The following OSTF1 variants were observed in gnomAD, a reference collection of about 807,000 sequenced individuals.
The protein encoded by OSTF1 is osteoclast stimulating factor 1, also known as osteoclast-stimulating factor 1.
In OSTF1, 27 loss-of-function variants were observed where a neutral mutation model predicts 37.2. That is an observed-to-expected ratio of 0.73 (90% CI 0.54 to 1.00). OSTF1 has a LOEUF of 1.00. OSTF1 is among the 50% of genes least tolerant of loss of function. The pLI is 0.00. For missense variants in OSTF1, 232 were observed against 253.8 expected, an observed-to-expected ratio of 0.91 and a Z score of 0.58; for synonymous variants, 82 against 89.2, an observed-to-expected ratio of 0.92 and a Z score of 0.46.
At chr9:75,126,862 A>G (rs1267028550) in intron 2 of OSTF1, among the ~76,000 whole-genome samples, 2 of 152,212 alleles carry the variant, frequency 1.3e-5, no homozygotes, top group African/African-American at 4.8e-5. Flanking sequence ...AAGTGCTGGG[A>G]TTACAGGCAT....
At chr9:75,122,802 C>A (rs748024334) in intron 2 of OSTF1, among the ~76,000 whole-genome samples, 2 of 152,118 alleles carry the variant, frequency 1.3e-5, no homozygotes, top group East Asian at 3.9e-4. Context: ...CAGACCAGTA[C>A]GTGGCACATA....
chr9:75,142,766 T>C (rs1390892186), intron 9 of OSTF1, among the ~76,000 whole-genome samples: 2 of 152,160 alleles, frequency 1.3e-5, no homozygotes, highest in African/African-American at 4.8e-5. Context: ...GAAATGAGTT[T>C]TTATATTTCA....
At chr9:75,095,960 C>T (rs895668543) in intron 1 of OSTF1, among the ~76,000 whole-genome samples, 47 of 151,354 alleles carry the variant, frequency 3.1e-4, no homozygotes, top group African/African-American at 8.7e-4. Flanking sequence ...GGCGCGATTT[C>T]GGCTCACTGC....
chr9:75,132,719 T>A (rs1307917815), intron 5 of OSTF1, among the ~76,000 whole-genome samples: 1 of 152,174 alleles, frequency 6.6e-6, no homozygotes, highest in African/African-American at 2.4e-5. Context: ...GTAAAAGGAC[T>A]AAACTGACAT....
chr9:75,108,299 A>G (rs1271667176), intron 1 of OSTF1, among the ~76,000 whole-genome samples: 1 of 151,554 alleles, frequency 6.6e-6, no homozygotes, highest in African/African-American at 2.4e-5. Flanking sequence ...GGAAACAAGT[A>G]ATTTCTCTAA....
intron 1 of OSTF1, among the ~76,000 whole-genome samples, chr9:75,101,736 A>G (rs1194779539): frequency 6.6e-6 from 1 of 152,132 alleles, no homozygotes; most frequent in Non-Finnish European, 1.5e-5. Context: ...TCAGCTACCA[A>G]CTTGGCCCCT....
intron 2 of OSTF1, among the ~76,000 whole-genome samples, chr9:75,125,850 C>T (rs1441812331): frequency 6.6e-6 from 1 of 152,170 alleles, no homozygotes; most frequent in Non-Finnish European, 1.5e-5. Context: ...TAGTCTGCTA[C>T]TGAGAGGAGG....
rs1825708658 is a variant in OSTF1, at chr9:75,128,531, TATATATATATATATTTTGTCC to T, written c.132+927_132+947del. On this transcript the variant is annotated intron_variant, in intron 3 of 9. Transcript: ENST00000346234. ...TATATATATATATATTTTGTCCATATATATATATATATATTTTGTCCATATATATATATATATATATATTTT... is the reference window on the plus strand; with the variant it reads ...TATATATATATATATTTTGTCCATATATATATATATATATATATATATTTT... Among the ~76,000 whole-genome samples the T allele has an allele frequency of 9.2e-5, 3 of 32,514 alleles. 1 individual carries two copies. Among genetic ancestry groups the T allele is most frequent in the South Asian group, 6.4e-4 (1 of 1,562 alleles). The allele number at this position is 32,514 out of a possible 152,430, so 21.3% of individuals were successfully genotyped here. A position where few individuals can be genotyped will look rare whatever the true frequency, so the allele number is the denominator to read the frequency against.
At chr9:75,124,608 C>T (rs868400127) in intron 2 of OSTF1, among the ~76,000 whole-genome samples, 36 of 152,268 alleles carry the variant, frequency 2.4e-4, no homozygotes, top group African/African-American at 8.4e-4. Context: ...ATTCACAATT[C>T]ATTACCTCTG....
At chr9:75,091,081 C>CT (rs35343834) in intron 1 of OSTF1, among the ~76,000 whole-genome samples, 32,346 of 93,628 alleles carry the variant, frequency 0.35, 6,600 homozygotes, top group East Asian at 0.52. Context: ...GAAGTCTGCA[C>CT]TTTTTTTTTT....
rs541764660 is a variant in OSTF1, at chr9:75,107,310, C to T, written c.35-10194C>T. Reference sequence around the variant, plus strand: ...AAATAATTAATACTTTTTCTTACCCCGAGAGTAGCCAGAGATGATGACACT... The same window carrying T: ...AAATAATTAATACTTTTTCTTACCCTGAGAGTAGCCAGAGATGATGACACT... On this transcript the variant is annotated intron_variant, in intron 1 of 9. Coordinates refer to ENST00000346234, the MANE Select transcript of OSTF1 (RefSeq NM_012383.5). 2.0e-5 allele frequency among the ~76,000 whole-genome samples: 3 copies of T among 151,928 alleles called. 1 individual carries two copies. The highest frequency in any genetic ancestry group is 4.2e-4 in the South Asian group (2 of 4,812).
At chr9:75,120,391 A>G (rs1825560359) in intron 2 of OSTF1, among the ~76,000 whole-genome samples, 1 of 152,050 alleles carries the variant, frequency 6.6e-6, no homozygotes, top group Admixed American at 6.6e-5. Context: ...GATTGGTTGC[A>G]TGACCCTGAG....
chr9:75,089,991 T>C (rs1251196247), intron 1 of OSTF1, among the ~76,000 whole-genome samples: 1 of 152,184 alleles, frequency 6.6e-6, no homozygotes, highest in Non-Finnish European at 1.5e-5. Flanking sequence ...AGACTGGCTC[T>C]GCCCTGGGCA....
chr9:75,097,474 T>A (rs2118396632), intron 1 of OSTF1, among the ~76,000 whole-genome samples: 1 of 152,342 alleles, frequency 6.6e-6, no homozygotes, highest in South Asian at 2.1e-4. Context: ...CAGCCAGATT[T>A]AACCTGAAAA....
At chr9:75,127,321 G>A (rs1337912977) in intron 2 of OSTF1, among the ~76,000 whole-genome samples, 1 of 152,142 alleles carries the variant, frequency 6.6e-6, no homozygotes, top group African/African-American at 2.4e-5. Context: ...TGCTTTGGTT[G>A]TAGAAGAATG....
intron 1 of OSTF1, among the ~76,000 whole-genome samples, chr9:75,100,386 T>C (rs1192132054): frequency 6.6e-6 from 1 of 152,170 alleles, no homozygotes; most frequent in African/African-American, 2.4e-5. Flanking sequence ...CATAAAAAGA[T>C]AAAATGATCT....
At chr9:75,122,987 A>G (rs1825604231) in intron 2 of OSTF1, among the ~76,000 whole-genome samples, 1 of 152,244 alleles carries the variant, frequency 6.6e-6, no homozygotes, top group Admixed American at 6.5e-5. Context: ...CTTGGGAATT[A>G]TATGTTACCA....
chr9:75,105,051 G>A (rs1361072251), intron 1 of OSTF1, among the ~76,000 whole-genome samples: 1 of 152,216 alleles, frequency 6.6e-6, no homozygotes, highest in African/African-American at 2.4e-5. Flanking sequence ...TCCCATAAAT[G>A]TGAGTTTAGA....
intron 8 of OSTF1, among the ~76,000 whole-genome samples, chr9:75,137,925 G>A (rs995170405): frequency 2.0e-5 from 3 of 152,150 alleles, no homozygotes; most frequent in Admixed American, 6.6e-5. Context: ...ATGTGTACAC[G>A]TGTGTTGGGG....
Sources: allele counts gnomAD v4.1 joint callset (sites outside exome capture counted in the v4.1 genomes callset), GRCh38; gene constraint gnomAD v4.1.1; transcripts MANE v1.5; gene names NCBI Gene and HGNC (gene_info 2026-07-23, HGNC 2026-07-21).